The following STRN3 variants were observed in gnomAD, a reference collection of about 807,000 sequenced individuals.
STRN3 encodes striatin-3.
Under a neutral mutation model 95.6 loss-of-function variants are expected in STRN3, and 29 were observed. The ratio of observed to expected loss-of-function variants is 0.30; its 90% CI spans 0.23 to 0.41. The LOEUF is 0.41. Among genes scored for constraint, STRN3 ranks in the 10% least tolerant of loss-of-function variants. The pLI is 1.00. For missense variants in STRN3, 890 were observed against 972.1 expected (o/e 0.92, Z 1.12); for synonymous variants, 331 against 357.6 (o/e 0.93, Z 0.84).
At position 30,935,104 on chromosome 14, in the gene STRN3, T is replaced by C. The variant is rs948198085; in HGVS notation, c.988+59A>G. ...CACACATTCCACATATAATATTTAA[T>C]AATAACCCATCATTAAGGGCTAGAT... On this transcript the variant is annotated intron_variant, in intron 7 of 17. Transcript: ENST00000357479. 6.3e-6 allele frequency: 10 copies of C among 1,590,206 alleles called. No individual in the cohort carries two copies. The Admixed American group carries it at 7.0e-5, about 11-fold the overall frequency.
chr14:30,895,602 T>C (rs1293100207), intron 17 of STRN3, 22 bp from the exon 18 acceptor site: 2 of 1,610,152 alleles, frequency 1.2e-6, no homozygotes, highest in Admixed American at 1.7e-5. Flanking sequence ...CAAATAAAAT[T>C]TGTTACTGAG....
At chr14:31,023,472 G>A (rs998298503) in intron 1 of STRN3, among the ~76,000 whole-genome samples, 25 of 151,960 alleles carry the variant, frequency 1.6e-4, no homozygotes, top group African/African-American at 6.0e-4. Context: ...CCAAAGCCAG[G>A]GAAAATATTA....
At chr14:30,988,027 C>T (rs1437558753) in intron 1 of STRN3, among the ~76,000 whole-genome samples, 2 of 152,206 alleles carry the variant, frequency 1.3e-5, no homozygotes, top group African/African-American at 2.4e-5. Context: ...TAAGCCACCG[C>T]GTCCAGCTGT....
chr14:30,960,868 C>CAAAAAAAAAAAAA (rs56227331), intron 1 of STRN3, among the ~76,000 whole-genome samples: 1 of 47,618 alleles, frequency 2.1e-5, no homozygotes, highest in African/African-American at 8.3e-5. Context: ...GACTCCATCT[C>CAAAAAAAAAAAAA]AAAAAAAAAA....
intron 7 of STRN3, among the ~76,000 whole-genome samples, chr14:30,929,967 A>AAAAAAAAAAAAACAAAAAAAAAAAAAAC (rs1555317337): frequency 2.2e-5 from 2 of 91,124 alleles, no homozygotes; most frequent in African/African-American, 7.7e-5. Context: ...AAAAAAAAAA[A>AAAAAAAAAAAAACAAAAAAAAAAAAAAC]AAAAAAAAAA....
At chr14:30,982,119 G>A (rs780735028) in intron 1 of STRN3, among the ~76,000 whole-genome samples, 746 of 71,542 alleles carry the variant, frequency 0.01, 2 homozygotes, top group Middle Eastern at 0.03. Context: ...AAAAAAAAAA[G>A]AATTCCAAGG....
chr14:30,912,257 T>C, intron 10 of STRN3, 75 bp from the exon 11 acceptor site: 1 of 1,428,880 alleles, frequency 7.0e-7, no homozygotes, highest in East Asian at 2.3e-5. Flanking sequence ...GTTCGTTTCT[T>C]TTTGGTGTGT....
intron 1 of STRN3, among the ~76,000 whole-genome samples, chr14:30,990,210 T>G (rs943325552): frequency 6.6e-6 from 1 of 151,198 alleles, no homozygotes; most frequent in African/African-American, 2.4e-5. Context: ...TTACCCAGGC[T>G]GGAGTACAGT....
chr14:31,025,713 A>G (rs989378275), intron 1 of STRN3, 191 bp downstream of exon 1: 5 of 829,550 alleles, frequency 6.0e-6, no homozygotes, highest in Non-Finnish European at 9.0e-6. Context: ...GTTGGGGAGC[A>G]AGCTTATGCG....
At chr14:30,963,850 T>C (rs745327020) in intron 1 of STRN3, among the ~76,000 whole-genome samples, 1 of 151,910 alleles carries the variant, frequency 6.6e-6, no homozygotes, top group African/African-American at 2.4e-5. Flanking sequence ...GAAGAAAAAT[T>C]AGGTAACAGA....
chr14:30,994,756 T>A (rs1882121957), intron 1 of STRN3, among the ~76,000 whole-genome samples: 1 of 152,364 alleles, frequency 6.6e-6, no homozygotes, highest in Admixed American at 6.5e-5. Flanking sequence ...AAGTTTGGAA[T>A]GACTGGACTA....
At chr14:31,000,941 A>C (rs561886171) in intron 1 of STRN3, among the ~76,000 whole-genome samples, 4 of 152,332 alleles carry the variant, frequency 2.6e-5, no homozygotes, top group South Asian at 4.1e-4. Context: ...GCACATATAC[A>C]ATCTGTAGAC....
In STRN3 at chr14:31,015,115, G is replaced by A. The variant is rs188481555; in HGVS notation, c.282+10789C>T. Among the ~76,000 whole-genome samples the A allele has an allele frequency of 2.3e-3, 350 of 151,734 alleles. 3 individuals are homozygous for A. The highest frequency in any genetic ancestry group is 2.4e-3 in the Non-Finnish European group (163 of 67,872). On this transcript the variant is annotated intron_variant, in intron 1 of 17. Coordinates refer to ENST00000357479, the MANE Select transcript of STRN3 (RefSeq NM_001083893.2). ...AAGTGCTGGGACTACAAGCGTGAGC[G>A]CCACCGCGTCCAGCCTCACACCCAC...
intron 1 of STRN3, among the ~76,000 whole-genome samples, chr14:31,011,620 G>A (rs1335716770): frequency 6.6e-6 from 1 of 152,148 alleles, no homozygotes; most frequent in Non-Finnish European, 1.5e-5. Flanking sequence ...TCCAGCCTGG[G>A]CGACAGAGCG....
At chr14:30,995,361 AT>A (rs1882149677) in intron 1 of STRN3, among the ~76,000 whole-genome samples, 1 of 152,208 alleles carries the variant, frequency 6.6e-6, no homozygotes, top group African/African-American at 2.4e-5. Context: ...CTTCTTATAA[AT>A]TATTATAAAG....
Position 30,944,667 on chromosome 14 carries a change from G to A in STRN3, c.716+2423C>T, listed in dbSNP as rs552107049. Among the ~76,000 whole-genome samples the A allele has an allele frequency of 2.8e-5, 4 of 144,054 alleles. No individual in the cohort carries two copies. In the South Asian group the frequency reaches 6.6e-4, roughly 24 times the overall value. The allele number at this position is 144,054 out of a possible 152,430, so 94.5% of individuals were successfully genotyped here. On this transcript the variant is annotated intron_variant, in intron 5 of 17. Coordinates refer to ENST00000357479, the MANE Select transcript of STRN3 (RefSeq NM_001083893.2). ...GGAGTCTCGCTGTGTCACCCAGGCC[G>A]GAATGCAATGGCATGATCTCAGCTC... is the stretch of plus-strand genomic sequence containing the variant.
chr14:30,931,012 TA>T (rs1566442103), intron 7 of STRN3, among the ~76,000 whole-genome samples: 1 of 152,104 alleles, frequency 6.6e-6, no homozygotes, highest in Non-Finnish European at 1.5e-5. Flanking sequence ...AATAGTTTTC[TA>T]AAAGACCTGT....
rs202183039 is a variant in STRN3, at chr14:30,941,628, CT to C, written c.717-5005del. ...AGGATTCAACATTGTGCTTCTTAAA[CT>C]TTTTTTTTCCCCCCAAGATGGAGTT... On this transcript the variant is annotated intron_variant, in intron 5 of 17. Transcript: ENST00000357479. Among the ~76,000 whole-genome samples the C allele has an allele frequency of 1.6e-3, 247 of 149,784 alleles. 2 individuals carry two copies. In the East Asian group the frequency reaches 0.032, roughly 19 times the overall value.
chr14:30,967,518 C>T (rs766758676), intron 1 of STRN3, among the ~76,000 whole-genome samples: 6 of 152,206 alleles, frequency 3.9e-5, no homozygotes, highest in Non-Finnish European at 8.8e-5. Flanking sequence ...TAAACAAGGG[C>T]GTAGCCCAAA....
Sources: gnomAD v4.1 joint callset for allele counts (sites outside exome capture counted in the v4.1 genomes callset) on GRCh38, gnomAD v4.1.1 for gene constraint, MANE v1.5 for transcripts, NCBI Gene and HGNC (gene_info 2026-07-23, HGNC 2026-07-21) for gene names.